SHANK2: variants seen among roughly 807,000 people sequenced by gnomAD.
The protein encoded by SHANK2 is SH3 and multiple ankyrin repeat domains 2, also known as SH3 and multiple ankyrin repeat domains protein 2.
In SHANK2, 43 loss-of-function variants were observed where a neutral mutation model predicts 133.7. That is an observed-to-expected ratio of 0.32 (90% CI 0.25 to 0.41). The LOEUF (loss-of-function observed/expected upper bound fraction) is 0.41. Ranked by LOEUF, SHANK2 falls within the 10% of genes least tolerant of loss-of-function variation. SHANK2 has a pLI of 1.00. For missense variants in SHANK2, 1,994 were observed against 2,235.8 expected (o/e 0.89, Z 2.18); for synonymous variants, 1,017 against 952.8 (o/e 1.07, Z -1.24).
Position 71,175,834 on chromosome 11 carries a change from A to C in SHANK2, c.-12-28496T>G, listed in dbSNP as rs1038491963. 3.3e-5 allele frequency among the ~76,000 whole-genome samples: 5 copies of C among 152,248 alleles called. No individual in the cohort carries two copies. The highest frequency in any genetic ancestry group is 5.9e-5 in the Non-Finnish European group (4 of 68,044). Reference sequence around the variant, plus strand: ...AGGGTTTCCAGACCATGCTGCAAGCAAGGACCACCCAGGCAAACTCCCAGA... The same window carrying C: ...AGGGTTTCCAGACCATGCTGCAAGCCAGGACCACCCAGGCAAACTCCCAGA... On this transcript the variant is annotated intron_variant, in intron 2 of 25. Coordinates refer to ENST00000601538, the MANE Select transcript of SHANK2 (RefSeq NM_012309.5). The surrounding 1 kb of genome is among the most constrained non-coding windows in gnomAD (Gnocchi z 4.2).
chr11:71,239,107 C>T (rs1242837626), intron 1 of SHANK2, among the ~76,000 whole-genome samples: 2 of 152,220 alleles, frequency 1.3e-5, no homozygotes, highest in Admixed American at 6.5e-5. Context: ...CCGGGAGGGG[C>T]CGCCAGGCAG....
chr11:70,887,177 T>G (rs1555073703), intron 11 of SHANK2, among the ~76,000 whole-genome samples: 1 of 152,208 alleles, frequency 6.6e-6, no homozygotes, highest in Non-Finnish European at 1.5e-5. Flanking sequence ...ATTTGGGATC[T>G]CCATCCCACA....
chr11:70,651,447 G>A (rs548020502), intron 17 of SHANK2, among the ~76,000 whole-genome samples: 1 of 152,236 alleles, frequency 6.6e-6, no homozygotes, highest in South Asian at 2.1e-4. Flanking sequence ...GCAGAAAAGG[G>A]ATCCAACCTC....
intron 8 of SHANK2, among the ~76,000 whole-genome samples, chr11:71,076,382 ATTT>A (rs1951219783): frequency 3.3e-5 from 5 of 152,118 alleles, no homozygotes; most frequent in African/African-American, 9.7e-5. Flanking sequence ...ATAGAGGTGA[ATTT>A]CACCTTCTCA....
In SHANK2 at chr11:70,807,663, G is replaced by A. The variant is rs559332496; in HGVS notation, c.1494-492C>T. Among the ~76,000 whole-genome samples the A allele has an allele frequency of 3.3e-5, 5 of 152,212 alleles. No homozygotes were observed. In the South Asian group the frequency reaches 1.0e-3, roughly 32 times the overall value. On this transcript the variant is annotated intron_variant, in intron 12 of 25. Transcript: ENST00000601538. The surrounding 1 kb of genome is among the most constrained non-coding windows in gnomAD (Gnocchi z 4.8). ...CGGCCAACATGGTGAAACCTCGTTG[G>A]TACTAAAAATTCAAAAAATAGCAGG...
chr11:70,811,640 T>C (rs1021077638), intron 12 of SHANK2, among the ~76,000 whole-genome samples: 22 of 147,794 alleles, frequency 1.5e-4, no homozygotes, highest in Admixed American at 4.0e-4. Context: ...CATCCACTCA[T>C]CCATCCATCC....
chr11:71,131,245 C>T (rs1346993003), intron 3 of SHANK2, among the ~76,000 whole-genome samples: 4 of 152,158 alleles, frequency 2.6e-5, no homozygotes, highest in Non-Finnish European at 4.4e-5. Flanking sequence ...GGCTGGTGCT[C>T]GTGGTGGCAA....
chr11:71,092,642 A>T (rs919981344), intron 7 of SHANK2, 53 bp from the exon 8 acceptor site: 2 of 1,524,140 alleles, frequency 1.3e-6, no homozygotes, highest in Non-Finnish European at 1.8e-6. Flanking sequence ...CCCCTTTTGC[A>T]GAGTGAGGTG....
rs1171118664 is a variant in SHANK2 at position 70,479,841 on chromosome 11, G to A, written c.4979+5473C>T. Among the ~76,000 whole-genome samples, 1 of 152,212 alleles carries A rather than the reference G, an allele frequency of 6.6e-6. No homozygotes were observed. The highest frequency in any genetic ancestry group is 1.5e-5 in the Non-Finnish European group (1 of 68,036). The stretch of plus-strand genomic sequence containing the variant: ...AAGCTGGAGGGCACATGACACCTGG[G>A]GCTCCTGGGTCATAGCAAGTTTGTT... On this transcript the variant is annotated intron_variant, in intron 25 of 25. Transcript: ENST00000601538. This position sits in a 1 kb window ranked among gnomAD's most constrained non-coding sequence, Gnocchi z 4.4.
At chr11:71,239,526 C>T (rs1220821463) in intron 1 of SHANK2, among the ~76,000 whole-genome samples, 5 of 152,178 alleles carry the variant, frequency 3.3e-5, no homozygotes, top group African/African-American at 1.2e-4. Context: ...TTGGCACCAT[C>T]TCAGCTCACA....
intron 3 of SHANK2, among the ~76,000 whole-genome samples, chr11:71,120,649 C>T (rs1952066200): frequency 6.6e-6 from 1 of 152,156 alleles, no homozygotes; most frequent in South Asian, 2.1e-4. Context: ...GGCTGTGAGG[C>T]TGGGTGGGGG....
At chr11:70,685,464 A>G (rs1945125085) in intron 15 of SHANK2, among the ~76,000 whole-genome samples, 1 of 152,008 alleles carries the variant, frequency 6.6e-6, no homozygotes, top group Non-Finnish European at 1.5e-5. Context: ...GGTTTTAATC[A>G]GCACATGCCC....
chr11:70,637,997 G>A (rs1338487037), intron 17 of SHANK2, among the ~76,000 whole-genome samples: 1 of 152,222 alleles, frequency 6.6e-6, no homozygotes, highest in Non-Finnish European at 1.5e-5. Context: ...CATGCCAGGT[G>A]GGTCCCATTC....
chr11:70,574,254 A>C (rs10751249), intron 17 of SHANK2, among the ~76,000 whole-genome samples: 1 of 152,104 alleles, frequency 6.6e-6, no homozygotes, highest in Non-Finnish European at 1.5e-5. Context: ...AAGCCAGCCC[A>C]TGCTTGTTTG....
intron 17 of SHANK2, among the ~76,000 whole-genome samples, chr11:70,580,411 C>T (rs995856963): frequency 7.2e-5 from 11 of 152,212 alleles, no homozygotes; most frequent in Non-Finnish European, 1.0e-4. Flanking sequence ...CACTGCAGAC[C>T]GTGCCAGCCT....
chr11:70,855,433 A>G (rs138864354), intron 11 of SHANK2, among the ~76,000 whole-genome samples: 4 of 152,252 alleles, frequency 2.6e-5, no homozygotes, highest in Non-Finnish European at 5.9e-5. Context: ...CTCAGATCTG[A>G]TCCTATCAGC....
intron 8 of SHANK2, among the ~76,000 whole-genome samples, chr11:71,090,516 G>C: frequency 4.4e-5 from 1 of 22,588 alleles, no homozygotes; most frequent in Non-Finnish European, 9.0e-5. Flanking sequence ...GTATCAGCCA[G>C]GGCTCTCCAG....
intron 17 of SHANK2, among the ~76,000 whole-genome samples, chr11:70,656,016 A>G (rs782726798): frequency 6.6e-6 from 1 of 152,120 alleles, no homozygotes; most frequent in African/African-American, 2.4e-5. Flanking sequence ...CCTGCATGAC[A>G]TCCAAGTGGC....
intron 17 of SHANK2, among the ~76,000 whole-genome samples, chr11:70,504,359 C>CT (rs2059105610): frequency 1.3e-5 from 2 of 150,854 alleles, no homozygotes; most frequent in Admixed American, 6.6e-5. Flanking sequence ...TGCCTGGCTC[C>CT]CCATACTGTT....
Sources: allele counts gnomAD v4.1 joint callset (sites outside exome capture counted in the v4.1 genomes callset), GRCh38; gene constraint gnomAD v4.1.1; non-coding constraint Gnocchi (gnomAD v3.1); transcripts MANE v1.5; gene names NCBI Gene and HGNC (gene_info 2026-07-23, HGNC 2026-07-21).